Variants in MRPL13 observed in about 807,000 individuals in gnomAD.
MRPL13 encodes the protein mitochondrial ribosomal protein L13, also known as large ribosomal subunit protein uL13m.
MRPL13 carries 33 observed loss-of-function variants against 29.0 expected under a neutral mutation model. The ratio of observed to expected loss-of-function variants is 1.14; its 90% CI spans 0.86 to 1.52. MRPL13 has a LOEUF of 1.52. Among genes scored for constraint, MRPL13 ranks in the 40% most tolerant of loss-of-function variants. The pLI is 0.00. For missense variants in MRPL13, 227 were observed against 216.7 expected (o/e 1.05, Z -0.30); for synonymous variants, 77 against 68.4 (o/e 1.13, Z -0.62).
At chr8:120,443,503 C>G (rs1437105263) in intron 1 of MRPL13, among the ~76,000 whole-genome samples, 195 bp from the exon 2 acceptor site, 1 of 151,856 alleles carries the variant, frequency 6.6e-6, no homozygotes, top group Non-Finnish European at 1.5e-5. Flanking sequence ...GTTGTTTTTT[C>G]TAATCATTCT....
intron 6 of MRPL13, among the ~76,000 whole-genome samples, chr8:120,411,579 C>T (rs1219193103): frequency 1.3e-5 from 2 of 152,164 alleles, no homozygotes; most frequent in African/African-American, 4.8e-5. Flanking sequence ...ATGACTAGTA[C>T]ACCTATACTA....
rs1161952388 is a variant in MRPL13 at position 120,396,146 on chromosome 8, A to C, written c.516-21T>G. 5.2e-6 allele frequency: 8 copies of C among 1,545,510 alleles called. No individual in the cohort carries two copies. In the South Asian group the frequency reaches 8.1e-5, roughly 16 times the overall value. The stretch of plus-strand genomic sequence containing the variant: ...CAGGTCTGAAAGAAAAAATCAACAT[A>C]TTTCTTCATGAATCATTATTTTGTT... On this transcript the variant is annotated intron_variant, in intron 6 of 6. Coordinates refer to ENST00000306185, the MANE Select transcript of MRPL13 (RefSeq NM_014078.6).
At chr8:120,406,044 T>TA (rs2130454326) in intron 6 of MRPL13, among the ~76,000 whole-genome samples, 1 of 152,342 alleles carries the variant, frequency 6.6e-6, no homozygotes, top group South Asian at 2.1e-4. Context: ...AAATGTGCGT[T>TA]AATGTTATAT....
intron 6 of MRPL13, among the ~76,000 whole-genome samples, chr8:120,400,793 C>A (rs1168641875): frequency 1.3e-5 from 2 of 151,548 alleles, no homozygotes; most frequent in African/African-American, 4.8e-5. Flanking sequence ...AGAGGAGAAT[C>A]AGACACAATC....
chr8:120,425,413 G>T (rs1362873533), intron 3 of MRPL13, 47 bp from the exon 4 acceptor site: 1 of 1,296,308 alleles, frequency 7.7e-7, no homozygotes, highest in Non-Finnish European at 1.1e-6. Flanking sequence ...GGCTGATACT[G>T]TATTCTTAAA....
At chr8:120,444,106 GT>G (rs1813167300) in intron 1 of MRPL13, among the ~76,000 whole-genome samples, 1 of 151,876 alleles carries the variant, frequency 6.6e-6, no homozygotes, top group African/African-American at 2.4e-5. Context: ...AAAAAGGCCA[GT>G]TTTTGTCCCC....
At chr8:120,416,017 A>G (rs1812798193) in intron 5 of MRPL13, 1 of 152,226 alleles carries the variant, frequency 6.6e-6, no homozygotes, top group African/African-American at 2.4e-5. Context: ...TTTGAATACA[A>G]TGAGCCAAAT....
At chr8:120,423,172 A>G (rs1244004480) in intron 4 of MRPL13, among the ~76,000 whole-genome samples, 2 of 152,084 alleles carry the variant, frequency 1.3e-5, no homozygotes, top group African/African-American at 4.8e-5. Flanking sequence ...GGTCAATCAG[A>G]TTAGACACAG....
At chr8:120,428,293 G>A (rs1181711687) in intron 3 of MRPL13, among the ~76,000 whole-genome samples, 1 of 152,182 alleles carries the variant, frequency 6.6e-6, no homozygotes, top group Non-Finnish European at 1.5e-5. Context: ...CTAGCCATAT[G>A]CAGAAGATTG....
Position 120,432,010 on chromosome 8 carries a change from T to C in MRPL13, c.245+20A>G. ...ATATATTTTAACTACCTAATTTCCC[T>C]GACAACAGCATTATCTTACCCAGTA... On this transcript the variant is annotated intron_variant, in intron 3 of 6. Transcript: ENST00000306185. 6.6e-7 allele frequency: 1 copy of C among 1,514,394 alleles called. No homozygotes were observed. Among genetic ancestry groups the C allele is most frequent in the Non-Finnish European group, 8.9e-7 (1 of 1,118,536 alleles). The allele number at this position is 1,514,394 out of a possible 1,614,324, so 93.8% of individuals were successfully genotyped here.
In MRPL13 at chr8:120,428,141, A is replaced by C. The variant is rs1194879403; in HGVS notation, c.246-2775T>G. On this transcript the variant is annotated intron_variant, in intron 3 of 6. Transcript: ENST00000306185. The stretch of plus-strand genomic sequence containing the variant: ...ATGGTACTGATAAAAAAAAAAAAAA[A>C]AAAAAACCAGACACATACACCAGTG... Among the ~76,000 whole-genome samples the C allele has an allele frequency of 7.7e-3, 1,149 of 150,082 alleles. 11 individuals carry two copies. The highest frequency in any genetic ancestry group is 0.012 in the Admixed American group (181 of 15,094).
chr8:120,428,448 A>G (rs1239222307), intron 3 of MRPL13, among the ~76,000 whole-genome samples: 3 of 152,204 alleles, frequency 2.0e-5, no homozygotes, highest in African/African-American at 7.2e-5. Context: ...AGATTTCATG[A>G]CAAAGATGCA....
rs1812696449 is a variant in MRPL13 at position 120,408,033 on chromosome 8, T to C, written c.515+5958A>G. On this transcript the variant is annotated intron_variant, in intron 6 of 6. Coordinates refer to ENST00000306185, the MANE Select transcript of MRPL13 (RefSeq NM_014078.6). Reference sequence around the variant, plus strand: ...AAATCTGGTGACATCACATATTCTTTAAAGATGCTAGCTATACTGAGAGGT... The same window carrying C: ...AAATCTGGTGACATCACATATTCTTCAAAGATGCTAGCTATACTGAGAGGT... Among the ~76,000 whole-genome samples the C allele has an allele frequency of 1.3e-5, 2 of 152,240 alleles. 1 individual carries two copies. Among genetic ancestry groups the C allele is most frequent in the South Asian group, 4.1e-4 (2 of 4,834 alleles).
chr8:120,427,521 T>C (rs998831520), intron 3 of MRPL13, among the ~76,000 whole-genome samples: 1 of 152,136 alleles, frequency 6.6e-6, no homozygotes, highest in Admixed American at 6.5e-5. Context: ...CTAACATTCC[T>C]AGACACCAGC....
chr8:120,441,088 A>C (rs1813118448), intron 2 of MRPL13, among the ~76,000 whole-genome samples: 1 of 152,104 alleles, frequency 6.6e-6, no homozygotes, highest in African/African-American at 2.4e-5. Flanking sequence ...GATAAGGCAA[A>C]GCCTTCAAAC....
chr8:120,434,654 C>T (rs1227788650), intron 2 of MRPL13, among the ~76,000 whole-genome samples: 1 of 152,092 alleles, frequency 6.6e-6, no homozygotes, highest in African/African-American at 2.4e-5. Flanking sequence ...AGAAGTCCTT[C>T]TCAGCAAACT....
rs188441659 is a variant in MRPL13 at position 120,440,820 on chromosome 8, A to G, written c.151+2365T>C. On this transcript the variant is annotated intron_variant, in intron 2 of 6. Transcript: ENST00000306185. Reference sequence around the variant, plus strand: ...CACACAGAAATTTCATTTGGAAAAGATAACTGTAGTTGATCTACGGAGAAA... The same window carrying G: ...CACACAGAAATTTCATTTGGAAAAGGTAACTGTAGTTGATCTACGGAGAAA... Among the ~76,000 whole-genome samples the G allele has an allele frequency of 5.3e-5, 8 of 152,174 alleles. No homozygotes were observed. In the East Asian group the frequency reaches 1.5e-3, roughly 29 times the overall value.
In MRPL13 at chr8:120,396,075, C is replaced by T; in HGVS notation, c.*29G>A. ...CATCAGAAGAAAGTTTCAATCACTT[C>T]ACTGTTATTTTCTGCAATTCTTATT... On this transcript the variant is annotated 3_prime_UTR_variant, in exon 7 of 7. Coordinates refer to ENST00000306185, the MANE Select transcript of MRPL13 (RefSeq NM_014078.6). 6.4e-7 allele frequency: 1 copy of T among 1,569,460 alleles called. No homozygotes were observed. The highest frequency in any genetic ancestry group is 8.7e-7 in the Non-Finnish European group (1 of 1,149,888).
chr8:120,397,703 C>T (rs1812540670), intron 6 of MRPL13, among the ~76,000 whole-genome samples: 1 of 151,956 alleles, frequency 6.6e-6, no homozygotes, highest in Admixed American at 6.6e-5. Context: ...GTTATATGAA[C>T]AGGACTCTGA....
Sources: gnomAD v4.1 joint callset for allele counts (sites outside exome capture counted in the v4.1 genomes callset) on GRCh38, gnomAD v4.1.1 for gene constraint, MANE v1.5 for transcripts, NCBI Gene and HGNC (gene_info 2026-07-23, HGNC 2026-07-21) for gene names.